Variants in GANC observed in about 807,000 individuals in gnomAD.
GANC encodes glucosidase alpha, neutral C, also known as neutral alpha-glucosidase C.
A neutral mutation model predicts 124.2 loss-of-function variants in GANC; 117 were observed. The observed-to-expected ratio is 0.94, with a 90% CI of 0.81 to 1.10. The LOEUF (loss-of-function observed/expected upper bound fraction) is 1.10. Among genes scored for constraint, GANC ranks in the 50% least tolerant of loss-of-function variants. The pLI, the probability that GANC is intolerant of heterozygous loss-of-function variation, is 0.00. For missense variants in GANC, 1,140 were observed against 1,095.0 expected, an observed-to-expected ratio of 1.04 and a Z score of -0.58; for synonymous variants, 377 against 376.8, an observed-to-expected ratio of 1.00 and a Z score of -0.01.
intron 15 of GANC, among the ~76,000 whole-genome samples, chr15:42,333,985 T>G (rs1042441324): frequency 6.6e-6 from 1 of 152,126 alleles, no homozygotes. Context: ...CAAGGCAATT[T>G]AATGGAGAAA....
At chr15:42,308,182 T>A (rs745953932) in intron 7 of GANC, 40 bp from the exon 8 acceptor site, 1 of 1,316,386 alleles carries the variant, frequency 7.6e-7, no homozygotes, top group South Asian at 1.3e-5. Context: ...TAAGTGAGTG[T>A]TCTTTTCAGA....
intron 16 of GANC, 139 bp from the exon 17 acceptor site, chr15:42,339,530 T>G: frequency 1.0e-6 from 1 of 984,856 alleles, no homozygotes; most frequent in Non-Finnish European, 1.5e-6. Flanking sequence ...GGGTCACCTG[T>G]TTGAGGCCAC....
chr15:42,317,131 C>T (rs1056204631), intron 10 of GANC, among the ~76,000 whole-genome samples: 2 of 152,108 alleles, frequency 1.3e-5, no homozygotes, highest in Admixed American at 6.6e-5. Context: ...GGTAATCCTT[C>T]GCCCACACAT....
Position 42,352,456 on chromosome 15 carries a change from A to C in GANC, c.*317A>C. The C allele has an allele frequency of 9.3e-7, 1 of 1,070,088 alleles. No individual in the cohort carries two copies. The highest frequency in any genetic ancestry group is 1.1e-6 in the Non-Finnish European group (1 of 880,038). 66.3% of individuals were successfully genotyped at this position (1,070,088 alleles called of 1,614,324 possible). On this transcript the variant is annotated 3_prime_UTR_variant, in exon 24 of 24. Coordinates refer to ENST00000318010, the MANE Select transcript of GANC (RefSeq NM_198141.3). ...AGCAGGGCTGCGTGGGTCTGTTTTA[A>C]CGTGGGCCAAGCCTACCTGGGCAGC...
At position 42,353,551 on chromosome 15, in the gene GANC, C is replaced by G; in HGVS notation, c.*1412C>G. 1 of 983,878 alleles carries G rather than the reference C, an allele frequency of 1.0e-6. No individual in the cohort carries two copies. The highest frequency in any genetic ancestry group is 1.2e-6 in the Non-Finnish European group (1 of 828,242). 60.9% of individuals were successfully genotyped at this position (983,878 alleles called of 1,614,324 possible). On this transcript the variant is annotated 3_prime_UTR_variant, in exon 24 of 24. Coordinates refer to ENST00000318010, the MANE Select transcript of GANC (RefSeq NM_198141.3). ...TACTAGATTGTATGTCCCTCAAGAG[C>G]ATGTTCTGTTTCTCTTCTGTCTGAC...
chr15:42,284,493 C>G (rs2051767189), intron 3 of GANC: 1 of 155,152 alleles, frequency 6.4e-6, no homozygotes, highest in African/African-American at 2.4e-5. Flanking sequence ...TACTCTTTTT[C>G]CCAGACTGAG....
At chr15:42,280,830 G>A (rs907055063) in intron 3 of GANC, 26 of 644,482 alleles carry the variant, frequency 4.0e-5, no homozygotes, top group African/African-American at 1.3e-4. Flanking sequence ...ACCAGTTTGC[G>A]GTGGACACCC....
chr15:42,300,791 G>T (rs2051937803), intron 6 of GANC, among the ~76,000 whole-genome samples: 1 of 152,150 alleles, frequency 6.6e-6, no homozygotes, highest in African/African-American at 2.4e-5. Flanking sequence ...GGCTGAGGCA[G>T]GTGGATCACC....
At chr15:42,311,319 T>C (rs1469354808) in intron 10 of GANC, among the ~76,000 whole-genome samples, 1 of 151,882 alleles carries the variant, frequency 6.6e-6, no homozygotes. Flanking sequence ...GCAAGAAAAA[T>C]AAATAAAAGA....
In GANC at chr15:42,310,829, A is replaced by C. The variant is rs768659539; in HGVS notation, c.1040A>C (p.Gln347Pro). ...TGPTPSDVFK[Q>P]YSHLTGTQAM... ...CCTACACCTTCTGATGTCTTCAAAC[A>C]GTACTCACACCTTACAGGTATTTGC... is the stretch of plus-strand genomic sequence containing the variant. The change falls in exon 10 of 24, where the codon CAG (glutamine) becomes CCG (proline). Residue 347 changes from glutamine (Q) to proline (P), a missense_variant. Coordinates refer to ENST00000318010, the MANE Select transcript of GANC (RefSeq NM_198141.3). 1.9e-6 allele frequency: 3 copies of C among 1,613,934 alleles called. No homozygotes were observed. The highest frequency in any genetic ancestry group is 2.5e-6 in the Non-Finnish European group (3 of 1,179,776).
chr15:42,337,441 G>A (rs1054448429), intron 15 of GANC, among the ~76,000 whole-genome samples: 19 of 152,080 alleles, frequency 1.2e-4, no homozygotes, highest in Non-Finnish European at 1.8e-4. Context: ...ATTATCCTTA[G>A]CAAACTAATG....
chr15:42,287,940 T>A, intron 4 of GANC, 122 bp downstream of exon 4: 1 of 984,272 alleles, frequency 1.0e-6, no homozygotes, highest in Non-Finnish European at 1.5e-6. Flanking sequence ...GTCATTTAGG[T>A]TGGTGTAAAA....
Position 42,326,437 on chromosome 15 carries a change from T to C in GANC, c.1420+13T>C. 6.2e-7 allele frequency: 1 copy of C among 1,613,864 alleles called. No individual in the cohort carries two copies. Among genetic ancestry groups the C allele is most frequent in the Non-Finnish European group, 8.5e-7 (1 of 1,179,828 alleles). On this transcript the variant is annotated intron_variant, in intron 12 of 23. Coordinates refer to ENST00000318010, the MANE Select transcript of GANC (RefSeq NM_198141.3). ...GTGTGTTGGCCAGGTATGAAATCAC[T>C]TTATACACTTATTATTTCCACATGT...
chr15:42,295,602 CAGAA>C (rs943012133), intron 5 of GANC, among the ~76,000 whole-genome samples: 2 of 150,920 alleles, frequency 1.3e-5, no homozygotes, highest in Non-Finnish European at 2.9e-5. Context: ...TGATTCTACT[CAGAA>C]AGCAACACAA....
chr15:42,351,568 G>C, intron 23 of GANC, 136 bp downstream of exon 23: 1 of 629,536 alleles, frequency 1.6e-6, no homozygotes, highest in Non-Finnish European at 2.8e-6. Context: ...AAATATACTA[G>C]TCTGTAGAAT....
chr15:42,349,687 G>A (rs1229418626), intron 22 of GANC, among the ~76,000 whole-genome samples, 192 bp downstream of exon 22: 2 of 150,736 alleles, frequency 1.3e-5, no homozygotes, highest in African/African-American at 4.9e-5. Flanking sequence ...TCACTCTGTC[G>A]CTCAGACTAG....
chr15:42,294,620 T>C, intron 5 of GANC, among the ~76,000 whole-genome samples: 1 of 150,662 alleles, frequency 6.6e-6, no homozygotes, highest in East Asian at 1.9e-4. Flanking sequence ...TTTTTGTGTA[T>C]CCTTTCAGAA....
chr15:42,292,782 G>C lies in GANC; in HGVS notation c.377G>C (p.Gly126Ala), dbSNP rs1279208623. 2 of 1,614,114 alleles carry C rather than the reference G, an allele frequency of 1.2e-6. No homozygotes were observed. The highest frequency in any genetic ancestry group is 3.3e-5 in the Admixed American group (2 of 60,010). ...ACAGGCAGTCTGATATTGGCAGATG[G>C]AAAAGGAGACCTGAAGTGCCATATC... ...GDTGSLILAD[G>A]KGDLKCHITA... Residue 126 changes from glycine (G) to alanine (A), a missense_variant, in exon 5 of 24, where the codon GGA becomes GCA. By Grantham distance (60) the Gly-to-Ala change is moderately conservative. Coordinates refer to ENST00000318010, the MANE Select transcript of GANC (RefSeq NM_198141.3).
At chr15:42,289,153 C>G (rs773409148) in intron 4 of GANC, among the ~76,000 whole-genome samples, 1 of 152,090 alleles carries the variant, frequency 6.6e-6, no homozygotes, top group African/African-American at 2.4e-5. Context: ...TCTTCATTTC[C>G]CAGACTCCCT....
Sources: gnomAD v4.1 joint callset for allele counts (sites outside exome capture counted in the v4.1 genomes callset) on GRCh38, gnomAD v4.1.1 for gene constraint, MANE v1.5 for transcripts, NCBI Gene and HGNC (gene_info 2026-07-23, HGNC 2026-07-21) for gene names.